Variants in C6orf132 observed in about 807,000 individuals in gnomAD.
C6orf132 encodes uncharacterized protein C6orf132.
In C6orf132, 43 loss-of-function variants were observed where a neutral mutation model predicts 65.3. The ratio of observed to expected loss-of-function variants is 0.66; its 90% confidence interval spans 0.52 to 0.85. The LOEUF (loss-of-function observed/expected upper bound fraction) is 0.85, where lower values mean the gene tolerates loss of function less well. Among genes scored for constraint, C6orf132 ranks in the 40% least tolerant of loss-of-function variants. C6orf132 has a pLI of 0.00. For missense variants in C6orf132, 1,488 were observed against 1,548.8 expected, an observed-to-expected ratio of 0.96 and a Z score of 0.66; for synonymous variants, 631 against 654.1, an observed-to-expected ratio of 0.96 and a Z score of 0.54.
intron 1 of C6orf132, among the ~76,000 whole-genome samples, chr6:42,129,175 G>C (rs571419053): frequency 6.6e-6 from 1 of 152,314 alleles, no homozygotes; most frequent in African/African-American, 2.4e-5. Flanking sequence ...CTTTTCCCTC[G>C]AGTGTTTGAA....
chr6:42,137,570 G>C (rs1582287039), intron 1 of C6orf132, among the ~76,000 whole-genome samples: 1 of 152,212 alleles, frequency 6.6e-6, no homozygotes, highest in Non-Finnish European at 1.5e-5. Flanking sequence ...GAGGGCACGA[G>C]GGTCCTCCTG....
chr6:42,132,907 C>T (rs1321235209), intron 1 of C6orf132, among the ~76,000 whole-genome samples: 1 of 148,666 alleles, frequency 6.7e-6, no homozygotes, highest in Non-Finnish European at 1.5e-5. Context: ...GGTGTGGCTG[C>T]AATCAGGCCA....
chr6:42,138,850 A>AACACACATACAC (rs1554183406), intron 1 of C6orf132, among the ~76,000 whole-genome samples: 5 of 142,748 alleles, frequency 3.5e-5, no homozygotes, highest in Admixed American at 7.1e-5. Context: ...CATGCATTTA[A>AACACACATACAC]ACACACACAC....
At chr6:42,115,395 C>G (rs1766550372) in intron 2 of C6orf132, among the ~76,000 whole-genome samples, 1 of 152,070 alleles carries the variant, frequency 6.6e-6, no homozygotes, top group Admixed American at 6.5e-5. Context: ...GCCTGTAATC[C>G]CAGCACTTTG....
At position 42,106,388 on chromosome 6, in the gene C6orf132, G is replaced by C; in HGVS notation, c.1524C>G (p.Arg508=). 1 of 1,536,142 alleles carries C rather than the reference G, an allele frequency of 6.5e-7. No individual in the cohort carries two copies. Among genetic ancestry groups the C allele is most frequent in the Non-Finnish European group, 8.7e-7 (1 of 1,146,852 alleles). ...PQSKEGKKGP[R]LPEKETLLSL... ...TCAGGAGAGTCTCCTTCTCAGGCAG[G>C]CGGGGGCCCTTCTTGCCCTCCTTGC... Residue 508 remains arginine, a synonymous_variant, in exon 4 of 5, where the codon CGC becomes CGG. Coordinates refer to ENST00000341865, the MANE Select transcript of C6orf132 (RefSeq NM_001164446.3).
At chr6:42,113,963 T>C (rs979734998) in intron 2 of C6orf132, among the ~76,000 whole-genome samples, 1 of 152,204 alleles carries the variant, frequency 6.6e-6, no homozygotes, top group African/African-American at 2.4e-5. Context: ...TAATCCTCTA[T>C]TCCAGAAAAG....
At chr6:42,110,581 A>G (rs1030810852) in intron 2 of C6orf132, among the ~76,000 whole-genome samples, 4 of 152,228 alleles carry the variant, frequency 2.6e-5, no homozygotes, top group Non-Finnish European at 4.4e-5. Flanking sequence ...TTAGGTTCCT[A>G]TGAGCCTCTG....
chr6:42,107,346 G>A lies in C6orf132; in HGVS notation c.566C>T (p.Pro189Leu). 8.2e-7 allele frequency: 1 copy of A among 1,224,990 alleles called. No individual in the cohort carries two copies. The highest frequency in any genetic ancestry group is 1.1e-6 in the Non-Finnish European group (1 of 893,620). 75.9% of individuals were successfully genotyped at this position (1,224,990 alleles called of 1,614,324 possible). A position where few individuals can be genotyped will look rare whatever the true frequency, so the allele number is the denominator to read the frequency against. The change falls in exon 4 of 5, where the codon CCT becomes CTT. Residue 189 changes from proline to leucine, a missense_variant. Physicochemically the swap from Pro to Leu is moderately conservative, Grantham distance 98. Coordinates refer to ENST00000341865, the MANE Select transcript of C6orf132 (RefSeq NM_001164446.3). ...TAGGGCCTCCAATACTGGGGGTGGA[G>A]GTGGGGCCATGCTGGGCGGGGGTGG... The part of the protein sequence containing the change: ...EPPPPPSMAP[P>L]PPPVLEALSP...
chr6:42,138,075 C>T (rs2127480536), intron 1 of C6orf132, among the ~76,000 whole-genome samples: 1 of 152,334 alleles, frequency 6.6e-6, no homozygotes, highest in African/African-American at 2.4e-5. Flanking sequence ...CCCCAGAGCC[C>T]AGACCCTAGC....
chr6:42,136,973 T>G (rs1236794933), intron 1 of C6orf132, among the ~76,000 whole-genome samples: 1 of 152,158 alleles, frequency 6.6e-6, no homozygotes, highest in Non-Finnish European at 1.5e-5. Flanking sequence ...CCACTCAGTG[T>G]GCAGACCCCA....
intron 2 of C6orf132, among the ~76,000 whole-genome samples, chr6:42,115,907 T>TC (rs1479504857): frequency 2.1e-4 from 32 of 149,548 alleles, no homozygotes; most frequent in South Asian, 2.1e-3. Flanking sequence ...CTTTCTTTTT[T>TC]TTTTTTTCTT....
intron 1 of C6orf132, among the ~76,000 whole-genome samples, chr6:42,139,621 C>G (rs759716185): frequency 1.1e-4 from 16 of 152,338 alleles, no homozygotes; most frequent in Middle Eastern, 6.8e-3. Context: ...TTAGAGCAAG[C>G]TTGTCCAACC....
chr6:42,133,748 T>C (rs62415941), intron 1 of C6orf132, among the ~76,000 whole-genome samples: 2,307 of 141,902 alleles, frequency 0.016, 40 homozygotes, highest in Non-Finnish European at 0.022. Context: ...GGAATCCTAT[T>C]TATGACAAGA....
chr6:42,115,994 ATCTCGGC>A (rs917167922), intron 2 of C6orf132, among the ~76,000 whole-genome samples: 14 of 136,576 alleles, frequency 1.0e-4, no homozygotes, highest in Non-Finnish European at 1.7e-4. Flanking sequence ...CAGTGGCAAG[ATCTCGGC>A]TCACTGCAAC....
chr6:42,106,368 A>G lies in C6orf132; in HGVS notation c.1544T>C (p.Leu515Pro), dbSNP rs9394866. 725,351 of 1,535,984 alleles carry G rather than the reference A, an allele frequency of 0.47. 177,555 individuals carry two copies. The highest frequency in any genetic ancestry group is 0.81 in the African/African-American group (59,359 of 73,000). The change falls in exon 4 of 5, where the codon CTC becomes CCC. Residue 515 changes from leucine to proline, a missense_variant. Coordinates refer to ENST00000341865, the MANE Select transcript of C6orf132 (RefSeq NM_001164446.3). ...KGPRLPEKETLLSLPAKDTPP... is the reference protein window; with the variant it reads ...KGPRLPEKETPLSLPAKDTPP... Reference sequence around the variant, plus strand: ...AGTGTCCTTTGCTGGCAGGCTCAGGAGAGTCTCCTTCTCAGGCAGGCGGGG... The same window carrying G: ...AGTGTCCTTTGCTGGCAGGCTCAGGGGAGTCTCCTTCTCAGGCAGGCGGGG...
chr6:42,126,791 C>T (rs1766773442), intron 2 of C6orf132: 8 of 402,254 alleles, frequency 2.0e-5, no homozygotes, highest in Middle Eastern at 6.2e-4. Flanking sequence ...TGCAGGGAGC[C>T]GAGATCACGC....
intron 1 of C6orf132, among the ~76,000 whole-genome samples, chr6:42,140,214 T>A (rs1196234721): frequency 6.6e-6 from 1 of 152,254 alleles, no homozygotes; most frequent in African/African-American, 2.4e-5. Context: ...TCCTTTGGAC[T>A]CCAGCTCTGC....
chr6:42,103,139 G>C lies in C6orf132; in HGVS notation c.*622C>G, dbSNP rs1361552484. On this transcript the variant is annotated 3_prime_UTR_variant, in exon 5 of 5. Transcript: ENST00000341865. ...CAAAGGGCTTCCATTCCACATGTGG[G>C]AGCTTCACTCCCCACCCCACACATG... 2.5e-6 allele frequency: 1 copy of C among 398,554 alleles called. No homozygotes were observed. Among genetic ancestry groups the C allele is most frequent in the East Asian group, 3.6e-5 (1 of 28,086 alleles). 24.7% of individuals were successfully genotyped at this position (398,554 alleles called of 1,614,324 possible).
Position 42,142,352 on chromosome 6 carries a change from A to C in C6orf132, c.93T>G (p.Asn31Lys). Residue 31 changes from asparagine (N) to lysine (K), a missense_variant, in exon 1 of 5, where the codon AAT (asparagine) becomes AAG (lysine). By Grantham distance (94) the Asn-to-Lys change is moderately conservative. Coordinates refer to ENST00000341865, the MANE Select transcript of C6orf132 (RefSeq NM_001164446.3). ...CCTCCTGGGTGAAGATCCAGGGCGGATTGGTGGCGTAGAGGGAGGTGCTGG... is the reference window on the plus strand; with the variant it reads ...CCTCCTGGGTGAAGATCCAGGGCGGCTTGGTGGCGTAGAGGGAGGTGCTGG... The part of the protein sequence containing the change: ...TTPSTSLYAT[N>K]PPWIFTQEAP... 6.4e-7 allele frequency: 1 copy of C among 1,551,116 alleles called. No homozygotes were observed. The highest frequency in any genetic ancestry group is 8.7e-7 in the Non-Finnish European group (1 of 1,146,786).
Sources: allele counts gnomAD v4.1 joint callset (sites outside exome capture counted in the v4.1 genomes callset), GRCh38; gene constraint gnomAD v4.1.1; transcripts MANE v1.5; gene names NCBI Gene and HGNC (gene_info 2026-07-23, HGNC 2026-07-21).